The following TMEM244 variants were observed in gnomAD, a reference collection of about 807,000 sequenced individuals.
TMEM244 encodes transmembrane protein 244.
In TMEM244, 13 loss-of-function variants were observed where a neutral mutation model predicts 15.8. The ratio of observed to expected loss-of-function variants is 0.82; its 90% CI spans 0.53 to 1.30. TMEM244 has a LOEUF of 1.30. TMEM244 is among the 50% of genes most tolerant of loss of function. The probability of loss-of-function intolerance (pLI) is 0.00; values close to 1 mark genes in which losing one functional copy is unlikely to be tolerated. For missense variants in TMEM244, 161 were observed against 144.9 expected (o/e 1.11, Z -0.57); for synonymous variants, 45 against 48.7 (o/e 0.92, Z 0.32).
At chr6:129,837,457 C>G (rs1776425044) in intron 3 of TMEM244, among the ~76,000 whole-genome samples, 1 of 152,172 alleles carries the variant, frequency 6.6e-6, no homozygotes, top group African/African-American at 2.4e-5. Context: ...CAGGTACTAG[C>G]CACTGCAAAA....
intron 2 of TMEM244, among the ~76,000 whole-genome samples, chr6:129,845,337 A>G (rs1776546395): frequency 6.6e-6 from 1 of 152,218 alleles, no homozygotes; most frequent in Non-Finnish European, 1.5e-5. Flanking sequence ...CTGATTCAAT[A>G]CCAGACCAGG....
chr6:129,832,093 C>CTTTTTTTTTT (rs1177577598), intron 4 of TMEM244, among the ~76,000 whole-genome samples: 1 of 114,164 alleles, frequency 8.8e-6, no homozygotes. Flanking sequence ...ACAGATTGTA[C>CTTTTTTTTTT]TTTTTTTTTT....
intron 1 of TMEM244, among the ~76,000 whole-genome samples, chr6:129,855,834 CT>C (rs1776697955): frequency 6.6e-6 from 1 of 152,084 alleles, no homozygotes. Context: ...TTTCATTGCA[CT>C]GTTCATCGTT....
chr6:129,860,104 C>CGT (rs757397083), intron 1 of TMEM244, among the ~76,000 whole-genome samples: 13,795 of 140,510 alleles, frequency 0.098, 991 homozygotes, highest in East Asian at 0.43. Flanking sequence ...CTCTGCAATG[C>CGT]GTGTGTGTGT....
intron 1 of TMEM244, among the ~76,000 whole-genome samples, chr6:129,860,662 G>T (rs1776795675): frequency 6.6e-6 from 1 of 151,404 alleles, no homozygotes; most frequent in Non-Finnish European, 1.5e-5. Flanking sequence ...TTTTTTAAAG[G>T]GGTATTTTTG....
At chr6:129,843,952 A>G (rs1156879540) in intron 2 of TMEM244, among the ~76,000 whole-genome samples, 2 of 152,222 alleles carry the variant, frequency 1.3e-5, no homozygotes, top group Non-Finnish European at 2.9e-5. Context: ...CCAAACCAGT[A>G]GTTCTTCAGA....
intron 1 of TMEM244, among the ~76,000 whole-genome samples, chr6:129,850,327 G>A (rs1423757434): frequency 6.6e-6 from 1 of 152,190 alleles, no homozygotes; most frequent in African/African-American, 2.4e-5. Context: ...GCCCTGGGGA[G>A]ACTGAAAGAT....
chr6:129,854,953 T>C (rs1215586902), intron 1 of TMEM244, among the ~76,000 whole-genome samples: 5 of 152,198 alleles, frequency 3.3e-5, no homozygotes, highest in Admixed American at 3.3e-4. Flanking sequence ...TACATGGCCT[T>C]TAAGTGGTTC....
chr6:129,838,340 G>A (rs974800980), intron 3 of TMEM244, among the ~76,000 whole-genome samples: 1 of 152,230 alleles, frequency 6.6e-6, no homozygotes, highest in Admixed American at 6.5e-5. Flanking sequence ...TGACTACTGG[G>A]TACATAACAA....
At chr6:129,851,906 A>G (rs184650509) in intron 1 of TMEM244, among the ~76,000 whole-genome samples, 149 of 152,358 alleles carry the variant, frequency 9.8e-4, no homozygotes, top group Middle Eastern at 3.4e-3. Flanking sequence ...GTAAAAAATC[A>G]TGACATTTAT....
chr6:129,841,899 T>A (rs1479555753), intron 3 of TMEM244, among the ~76,000 whole-genome samples: 2 of 152,168 alleles, frequency 1.3e-5, no homozygotes, highest in East Asian at 3.8e-4. Flanking sequence ...TTTATTAATA[T>A]CTCTGAGATT....
chr6:129,849,573 T>G (rs1299956541), intron 1 of TMEM244, among the ~76,000 whole-genome samples: 2 of 152,148 alleles, frequency 1.3e-5, no homozygotes, highest in Non-Finnish European at 2.9e-5. Flanking sequence ...GCTGTTGTTC[T>G]CAAATGTACA....
At chr6:129,848,771 G>T (rs955583887) in intron 1 of TMEM244, among the ~76,000 whole-genome samples, 4 of 151,872 alleles carry the variant, frequency 2.6e-5, no homozygotes, top group Non-Finnish European at 5.9e-5. Context: ...TGTGTCTTTG[G>T]GTTTGCTTTA....
At chr6:129,855,293 A>T (rs540456515) in intron 1 of TMEM244, among the ~76,000 whole-genome samples, 107 of 152,302 alleles carry the variant, frequency 7.0e-4, no homozygotes, top group Admixed American at 1.4e-3. Flanking sequence ...TTTAAAAATG[A>T]ATTACTTGTT....
At chr6:129,840,802 C>T (rs1399282730) in intron 3 of TMEM244, among the ~76,000 whole-genome samples, 1 of 152,100 alleles carries the variant, frequency 6.6e-6, no homozygotes, top group Non-Finnish European at 1.5e-5. Context: ...ACGTTTATGC[C>T]GCCAACAGAC....
chr6:129,834,049 C>G (rs1776366719), intron 3 of TMEM244, among the ~76,000 whole-genome samples: 1 of 152,212 alleles, frequency 6.6e-6, no homozygotes, highest in Non-Finnish European at 1.5e-5. Flanking sequence ...AAATGAGTTC[C>G]TTTGTGTTTT....
intron 1 of TMEM244, 23 bp from the exon 2 acceptor site, chr6:129,845,875 G>A (rs1776554589): frequency 3.3e-6 from 5 of 1,529,656 alleles, no homozygotes; most frequent in Non-Finnish European, 4.5e-6. Context: ...CAGGCATGAG[G>A]TCCAAGAGCC....
chr6:129,838,563 G>T (rs967352220), intron 3 of TMEM244, among the ~76,000 whole-genome samples: 2 of 152,000 alleles, frequency 1.3e-5, no homozygotes, highest in Non-Finnish European at 2.9e-5. Flanking sequence ...GCTAGCAGAA[G>T]GCAAGAAATA....
At chr6:129,850,651 CCA>C (rs1336220250) in intron 1 of TMEM244, among the ~76,000 whole-genome samples, 2 of 152,028 alleles carry the variant, frequency 1.3e-5, no homozygotes, top group Non-Finnish European at 2.9e-5. Flanking sequence ...TTTTTAATAG[CCA>C]CATTTATAAA....
Sources: allele counts gnomAD v4.1 joint callset (sites outside exome capture counted in the v4.1 genomes callset), GRCh38; gene constraint gnomAD v4.1.1; transcripts MANE v1.5; gene names NCBI Gene and HGNC (gene_info 2026-07-23, HGNC 2026-07-21).